GAN: variants seen among roughly 807,000 people sequenced by gnomAD.
GAN encodes epididymis secretory sperm binding protein.
Under a neutral mutation model 71.3 loss-of-function variants are expected in GAN, and 48 were observed. That is an observed-to-expected ratio of 0.67 (90% CI 0.53 to 0.86). GAN has a LOEUF of 0.86. GAN is among the 40% of genes least tolerant of loss of function. The pLI, the probability that GAN is intolerant of heterozygous loss-of-function variation, is 0.00. For synonymous variants in GAN, 386 were observed against 276.8 expected (o/e 1.39, Z -3.92); for missense variants, 928 against 770.1 (o/e 1.21, Z -2.43).
At chr16:81,354,831 C>A in intron 3 of GAN, 76 bp downstream of exon 3, 1 of 844,520 alleles carries the variant, frequency 1.2e-6, no homozygotes, top group South Asian at 1.4e-5. Context: ...TTTTATTTTT[C>A]TTCTTCATCA....
chr16:81,376,957 C>G (rs1352532042), intron 9 of GAN, among the ~76,000 whole-genome samples: 7 of 152,184 alleles, frequency 4.6e-5, no homozygotes, highest in Non-Finnish European at 1.0e-4. Flanking sequence ...GGATGAATCT[C>G]AGAAACCTTG....
At chr16:81,318,297 A>G (rs1487954054) in intron 1 of GAN, among the ~76,000 whole-genome samples, 1 of 152,152 alleles carries the variant, frequency 6.6e-6, no homozygotes, top group African/African-American at 2.4e-5. Context: ...TAAAATTCTG[A>G]TTTTGTTTAA....
At chr16:81,320,622 C>T (rs1909192743) in intron 1 of GAN, among the ~76,000 whole-genome samples, 1 of 152,332 alleles carries the variant, frequency 6.6e-6, no homozygotes, top group African/African-American at 2.4e-5. Context: ...TCATAAGGAT[C>T]TTGAATAGTG....
intron 9 of GAN, among the ~76,000 whole-genome samples, chr16:81,374,720 A>T (rs1904275781): frequency 6.6e-6 from 1 of 152,128 alleles, no homozygotes; most frequent in Admixed American, 6.5e-5. Flanking sequence ...TTTTTTAAGC[A>T]CTTCCTATCT....
chr16:81,360,428 A>G (rs989170910), intron 5 of GAN, among the ~76,000 whole-genome samples: 1 of 152,216 alleles, frequency 6.6e-6, no homozygotes, highest in Admixed American at 6.5e-5. Flanking sequence ...TGGCAAGTCT[A>G]AAAAATCTCT....
At position 81,357,809 on chromosome 16, in the gene GAN, G is replaced by A; in HGVS notation, c.852-1G>A. ...TACTGATCACTTATTTACTTCCTTA[G>A]TTCACGGAAACCCACAGCAGCGATG... On this transcript the variant is annotated splice_acceptor_variant, in intron 4 of 10. Transcript: ENST00000648994. LOFTEE classifies it high-confidence loss of function. The A allele has an allele frequency of 6.2e-7, 1 of 1,613,292 alleles. No individual in the cohort carries two copies. Among genetic ancestry groups the A allele is most frequent in the Non-Finnish European group, 8.5e-7 (1 of 1,179,234 alleles).
Position 81,364,688 on chromosome 16 carries a change from CTAAT to C in GAN, c.1237-285_1237-282del, listed in dbSNP as rs543796924. Among the ~76,000 whole-genome samples, 22 of 152,184 alleles carry C rather than the reference CTAAT, an allele frequency of 1.4e-4. 1 individual carries two copies. The South Asian group carries it at 4.6e-3, about 32-fold the overall frequency. ...AAGGCAACTGAACGAGACCCTGTCTCTAATAAATAAATAAATAAAAATGAGGCTT... is the reference window on the plus strand; with the variant it reads ...AAGGCAACTGAACGAGACCCTGTCTCAAATAAATAAATAAAAATGAGGCTT... On this transcript the variant is annotated intron_variant, in intron 7 of 10. Transcript: ENST00000648994.
intron 2 of GAN, among the ~76,000 whole-genome samples, chr16:81,353,107 C>G (rs576875513): frequency 6.6e-6 from 1 of 151,992 alleles, no homozygotes; most frequent in Non-Finnish European, 1.5e-5. Flanking sequence ...CTGGCTAACA[C>G]GGTGAAACCC....
chr16:81,382,862 A>G lies in GAN; in HGVS notation c.*5266A>G, dbSNP rs1281885606. The G allele has an allele frequency of 6.6e-6, 1 of 152,218 alleles. No individual in the cohort carries two copies. Among genetic ancestry groups the G allele is most frequent in the Admixed American group, 6.5e-5 (1 of 15,288 alleles). 9.4% of individuals were successfully genotyped at this position (152,218 alleles called of 1,614,324 possible). On this transcript the variant is annotated 3_prime_UTR_variant, in exon 11 of 11. Coordinates refer to ENST00000648994, the MANE Select transcript of GAN (RefSeq NM_022041.4). The stretch of plus-strand genomic sequence containing the variant: ...ATTTCCATTTTAAACATATTTCAAT[A>G]TTGTCTCATTGTAATAGTTCCATTT...
chr16:81,362,762 C>T lies in GAN; in HGVS notation c.1086+151C>T. The T allele has an allele frequency of 4.7e-5, 33 of 696,046 alleles. No homozygotes were observed. In the South Asian group the frequency reaches 5.0e-4, roughly 10 times the overall value. 43.1% of individuals were successfully genotyped at this position (696,046 alleles called of 1,614,324 possible). Reference sequence around the variant, plus strand: ...ACCTCTCCTTCTAGTGCCCGGCTCTCCTCCCCTTCCTGGCCCTCACTCCTT... The same window carrying T: ...ACCTCTCCTTCTAGTGCCCGGCTCTTCTCCCCTTCCTGGCCCTCACTCCTT... On this transcript the variant is annotated intron_variant, in intron 6 of 10. Transcript: ENST00000648994.
chr16:81,369,934 A>C (rs1910983780), intron 9 of GAN, among the ~76,000 whole-genome samples: 1 of 152,208 alleles, frequency 6.6e-6, no homozygotes, highest in South Asian at 2.1e-4. Flanking sequence ...GATCATACTG[A>C]TCCCAAATTC....
intron 9 of GAN, among the ~76,000 whole-genome samples, chr16:81,374,114 G>A (rs1017011538): frequency 6.6e-6 from 1 of 152,080 alleles, no homozygotes; most frequent in Admixed American, 6.6e-5. Flanking sequence ...TTTTTTGTAG[G>A]ATCTCTTAAT....
Position 81,354,672 on chromosome 16 carries a change from C to G in GAN, c.550C>G (p.Leu184Val). 6.2e-7 allele frequency: 1 copy of G among 1,613,460 alleles called. No individual in the cohort carries two copies. Among genetic ancestry groups the G allele is most frequent in the African/African-American group, 1.3e-5 (1 of 75,022 alleles). The change falls in exon 3 of 11, where the codon CTT (leucine) becomes GTT (valine). Residue 184 changes from leucine (L) to valine (V), a missense_variant. Transcript: ENST00000648994. ...TCAAAAGCTTAAAGAAGTGATTTCT[C>G]TTGAGAAGTTAAACGTTGGCAATGA... is the stretch of plus-strand genomic sequence containing the variant. ...SPQKLKEVIS[L>V]EKLNVGNERY...
Position 81,388,635 on chromosome 16 carries a change from C to A in GAN, c.*11039C>A, listed in dbSNP as rs1264257620. ...CCCAGTGCAGCCCCAGGCTCCCGGA[C>A]GTGCTCGGCCCGGTGGCCTCTTGTG... On this transcript the variant is annotated 3_prime_UTR_variant, in exon 11 of 11. Coordinates refer to ENST00000648994, the MANE Select transcript of GAN (RefSeq NM_022041.4). 6.6e-6 allele frequency: 1 copy of A among 152,666 alleles called. No individual in the cohort carries two copies. Among genetic ancestry groups the A allele is most frequent in the African/African-American group, 2.4e-5 (1 of 41,596 alleles). 9.5% of individuals were successfully genotyped at this position (152,666 alleles called of 1,614,324 possible).
intron 1 of GAN, among the ~76,000 whole-genome samples, chr16:81,351,137 G>A (rs1910286698): frequency 6.6e-6 from 1 of 152,226 alleles, no homozygotes; most frequent in Non-Finnish European, 1.5e-5. Context: ...TTCAGATGGT[G>A]GAAGCAGAGG....
intron 6 of GAN, among the ~76,000 whole-genome samples, chr16:81,363,181 A>C (rs1910736291): frequency 6.6e-6 from 1 of 152,230 alleles, no homozygotes; most frequent in Non-Finnish European, 1.5e-5. Context: ...TTTCTGCCAT[A>C]GTTTATACTA....
chr16:81,359,415 T>G (rs533950102), intron 5 of GAN, among the ~76,000 whole-genome samples: 7 of 151,738 alleles, frequency 4.6e-5, no homozygotes, highest in East Asian at 1.9e-4. Context: ...GTTTTTTTTT[T>G]TTTTTTTGCC....
rs1904311414 is a variant in GAN, at chr16:81,382,669, G to A, written c.*5073G>A. On this transcript the variant is annotated 3_prime_UTR_variant, in exon 11 of 11. Coordinates refer to ENST00000648994, the MANE Select transcript of GAN (RefSeq NM_022041.4). ...AAATTCATAGTATAAGGATGAGAAG[G>A]GGCCCATTTGCCCATATTTGATAAC... 1 of 152,110 alleles carries A rather than the reference G, an allele frequency of 6.6e-6. No individual in the cohort carries two copies. The highest frequency in any genetic ancestry group is 2.4e-5 in the African/African-American group (1 of 41,412). The allele number at this position is 152,110 out of a possible 1,614,324, so 9.4% of individuals were successfully genotyped here. A position where few individuals can be genotyped will look rare whatever the true frequency, so the allele number is the denominator to read the frequency against.
chr16:81,335,316 C>T (rs191024893), intron 1 of GAN, among the ~76,000 whole-genome samples: 3 of 152,230 alleles, frequency 2.0e-5, no homozygotes, highest in Admixed American at 6.5e-5. Context: ...GGGAACTACT[C>T]TTAAAATCCA....
Sources: allele counts gnomAD v4.1 joint callset (sites outside exome capture counted in the v4.1 genomes callset), GRCh38; gene constraint gnomAD v4.1.1; transcripts MANE v1.5; gene names NCBI Gene and HGNC (gene_info 2026-07-23, HGNC 2026-07-21).